Variants in PCDHGA1 observed in about 807,000 individuals in gnomAD.
PCDHGA1 encodes protocadherin gamma-A1.
PCDHGA1 carries 32 observed loss-of-function variants against 58.0 expected under a neutral mutation model. The ratio of observed to expected loss-of-function variants is 0.55; its 90% CI spans 0.42 to 0.74. PCDHGA1 has a LOEUF of 0.74. Among genes scored for constraint, PCDHGA1 ranks in the 30% least tolerant of loss-of-function variants. The pLI is 0.00. For synonymous variants in PCDHGA1, 498 were observed against 501.1 expected (o/e 0.99, Z 0.08); for missense variants, 1,205 against 1,182.3 (o/e 1.02, Z -0.28).
intron 1 of PCDHGA1, chr5:141,366,272 G>T (rs749693337): frequency 1.9e-6 from 3 of 1,613,726 alleles, no homozygotes; most frequent in South Asian, 1.1e-5. Context: ...GGCCGTCGAA[G>T]ACCATGGCCA....
At chr5:141,372,987 AGT>A in intron 1 of PCDHGA1, 1 of 640,932 alleles carries the variant, frequency 1.6e-6, no homozygotes, top group Non-Finnish European at 2.6e-6. Flanking sequence ...TCTGTGTTGC[AGT>A]TGTTCTTTCA....
intron 1 of PCDHGA1, chr5:141,415,605 G>T: frequency 1.2e-6 from 2 of 1,613,122 alleles, no homozygotes; most frequent in Non-Finnish European, 1.7e-6. Flanking sequence ...ATACCCCATT[G>T]GTTCCAGTGA....
chr5:141,351,540 C>T (rs1371036376), intron 1 of PCDHGA1: 2 of 1,614,024 alleles, frequency 1.2e-6, no homozygotes, highest in Non-Finnish European at 8.5e-7. Context: ...GGCAAACCAG[C>T]CCTTTCCTCC....
chr5:141,362,677 G>T, intron 1 of PCDHGA1: 2 of 1,225,610 alleles, frequency 1.6e-6, no homozygotes, highest in Non-Finnish European at 1.1e-6. Context: ...TGCCTTAATT[G>T]TCTTAATCTT....
intron 2 of PCDHGA1, among the ~76,000 whole-genome samples, chr5:141,504,179 A>C (rs1247627456): frequency 6.6e-6 from 1 of 152,240 alleles, no homozygotes; most frequent in Non-Finnish European, 1.5e-5. Context: ...AATTCAAAAA[A>C]ATCATGAAAA....
chr5:141,486,089 G>T lies in PCDHGA1; in HGVS notation c.2422-8718G>T, dbSNP rs2099624123. On this transcript the variant is annotated intron_variant, in intron 1 of 3. Coordinates refer to ENST00000517417, the MANE Select transcript of PCDHGA1 (RefSeq NM_018912.3). The surrounding 1 kb of genome is among the most constrained non-coding windows in gnomAD (Gnocchi z 5.0). ...CACTACTGGAAAGCTTACTCTTTTG[G>T]GGCCCCTAGACTTTGAGAGTGAGAA... is the stretch of plus-strand genomic sequence containing the variant. 1 of 1,614,084 alleles carries T rather than the reference G, an allele frequency of 6.2e-7. No individual in the cohort carries two copies. The highest frequency in any genetic ancestry group is 8.5e-7 in the Non-Finnish European group (1 of 1,180,014).
rs762138055 is a variant in PCDHGA1, at chr5:141,490,757, T to C, written c.2422-4050T>C. 6.2e-7 allele frequency: 1 copy of C among 1,613,918 alleles called. No homozygotes were observed. The highest frequency in any genetic ancestry group is 2.2e-5 in the East Asian group (1 of 44,892). On this transcript the variant is annotated intron_variant, in intron 1 of 3. Coordinates refer to ENST00000517417, the MANE Select transcript of PCDHGA1 (RefSeq NM_018912.3). The surrounding 1 kb of genome is among the most constrained non-coding windows in gnomAD (Gnocchi z 5.4). ...GTTCAGGGAGCCCCAGCCTCCTCCT[T>C]TGTGTATGTCAACCCAGAGGATGGA...
In PCDHGA1 at chr5:141,490,801, A is replaced by G; in HGVS notation, c.2422-4006A>G. On this transcript the variant is annotated intron_variant, in intron 1 of 3. Transcript: ENST00000517417. The surrounding 1 kb of genome is among the most constrained non-coding windows in gnomAD (Gnocchi z 5.4). ...GGATGGACGGATCTTTGCCCAGCGT[A>G]CCTTTGACTATGAATTGCTGCAGAT... The G allele has an allele frequency of 6.2e-7, 1 of 1,613,854 alleles. No homozygotes were observed. Among genetic ancestry groups the G allele is most frequent in the African/African-American group, 1.3e-5 (1 of 75,042 alleles).
intron 1 of PCDHGA1, chr5:141,356,602 G>A: frequency 1.2e-6 from 2 of 1,614,142 alleles, no homozygotes; most frequent in Non-Finnish European, 1.7e-6. Context: ...CAACCCCAGA[G>A]GAGCCTCCAT....
chr5:141,341,412 C>A (rs537088707), intron 1 of PCDHGA1: 4 of 1,614,116 alleles, frequency 2.5e-6, no homozygotes, highest in Non-Finnish European at 3.4e-6. Flanking sequence ...TATCTTTTCA[C>A]AACATACGTA....
At chr5:141,373,389 A>G (rs1769537538) in intron 1 of PCDHGA1, among the ~76,000 whole-genome samples, 1 of 152,210 alleles carries the variant, frequency 6.6e-6, no homozygotes, top group South Asian at 2.1e-4. Context: ...GTGTTTGTGT[A>G]GCATATGCCT....
In PCDHGA1 at chr5:141,341,177, CAGAG is replaced by C. The variant is rs746326216; in HGVS notation, c.2421+8073_2421+8076del. 1.9e-6 allele frequency: 3 copies of C among 1,614,232 alleles called. No homozygotes were observed. The South Asian group carries it at 3.3e-5, about 18-fold the overall frequency. On this transcript the variant is annotated intron_variant, in intron 1 of 3. Transcript: ENST00000517417. ...TTCAGGAGGCAGCTTGACAGGCATGCAGAGCTCGCACTTTGTGGGCGTGGACGGG... is the reference window on the plus strand; with the variant it reads ...TTCAGGAGGCAGCTTGACAGGCATGCCTCGCACTTTGTGGGCGTGGACGGG...
rs142728816 is a variant in PCDHGA1 at position 141,356,050 on chromosome 5, G to T, written c.2421+22945G>T. On this transcript the variant is annotated intron_variant, in intron 1 of 3. Coordinates refer to ENST00000517417, the MANE Select transcript of PCDHGA1 (RefSeq NM_018912.3). ...AGACGTGACGTATTCTTTCCGGAAA[G>T]TAAGAGACAAAATATCACAGCTATT... 1,749 of 1,613,978 alleles carry T rather than the reference G, an allele frequency of 1.1e-3. 32 individuals carry two copies. In the East Asian group the frequency reaches 0.034, roughly 31 times the overall value.
intron 1 of PCDHGA1, chr5:141,365,312 G>T: frequency 1.2e-6 from 2 of 1,614,006 alleles, no homozygotes; most frequent in African/African-American, 1.3e-5. Context: ...AGGCGCTCTT[G>T]TTGCCAGCGC....
At chr5:141,419,796 T>C (rs1334397368) in intron 1 of PCDHGA1, 1 of 1,614,026 alleles carries the variant, frequency 6.2e-7, no homozygotes, top group Admixed American at 1.7e-5. Flanking sequence ...CTAGTCGCTG[T>C]AAGAGATGGA....
intron 1 of PCDHGA1, chr5:141,387,659 G>A: frequency 1.5e-6 from 1 of 650,434 alleles, no homozygotes; most frequent in Non-Finnish European, 2.6e-6. Context: ...GGAGAGCTTG[G>A]CGCTCCAGAT....
rs1216200329 is a variant in PCDHGA1, at chr5:141,491,485, C to G, written c.2422-3322C>G. ...CTTCTATAAGCAGTCCAGCCCCAAC[C>G]TGCAGGTGAGCTCGGACGGCACGCT... On this transcript the variant is annotated intron_variant, in intron 1 of 3. Coordinates refer to ENST00000517417, the MANE Select transcript of PCDHGA1 (RefSeq NM_018912.3). This position sits in a 1 kb window ranked among gnomAD's most constrained non-coding sequence, Gnocchi z 6.9. 6.2e-7 allele frequency: 1 copy of G among 1,614,148 alleles called. No individual in the cohort carries two copies. The highest frequency in any genetic ancestry group is 1.3e-5 in the African/African-American group (1 of 75,064).
rs766638463 is a variant in PCDHGA1 at position 141,476,525 on chromosome 5, A to G, written c.2422-18282A>G. ...CAACGACAACAATCCTGCTTTCCCT[A>G]CCCAGGAAATGAAATTGGAGATTAG... On this transcript the variant is annotated intron_variant, in intron 1 of 3. Transcript: ENST00000517417. This position sits in a 1 kb window ranked among gnomAD's most constrained non-coding sequence, Gnocchi z 7.6. 6 of 1,613,950 alleles carry G rather than the reference A, an allele frequency of 3.7e-6. No homozygotes were observed. The African/African-American group carries it at 6.7e-5, about 18-fold the overall frequency.
intron 3 of PCDHGA1, among the ~76,000 whole-genome samples, chr5:141,509,907 C>T (rs149338646): frequency 3.3e-5 from 5 of 152,182 alleles, no homozygotes; most frequent in South Asian, 2.1e-4. Context: ...TTCCAGCATG[C>T]GCTTAGGTAC....
Sources: gnomAD v4.1 joint callset for allele counts (sites outside exome capture counted in the v4.1 genomes callset) on GRCh38, gnomAD v4.1.1 for gene constraint, Gnocchi (gnomAD v3.1) non-coding constraint, MANE v1.5 for transcripts, NCBI Gene and HGNC (gene_info 2026-07-23, HGNC 2026-07-21) for gene names.